The following LOXL2 variants were observed in gnomAD, a reference collection of about 807,000 sequenced individuals.
LOXL2 encodes lysyl oxidase like 2.
LOXL2 carries 70 observed loss-of-function variants against 93.0 expected under a neutral mutation model. The observed-to-expected ratio is 0.75, with a 90% confidence interval of 0.62 to 0.92. The LOEUF (loss-of-function observed/expected upper bound fraction) is 0.92. Among genes scored for constraint, LOXL2 ranks in the 40% least tolerant of loss-of-function variants. The probability of loss-of-function intolerance (pLI) is 0.00; values close to 1 mark genes in which losing one functional copy is unlikely to be tolerated. For missense variants in LOXL2, 973 were observed against 1,054.9 expected, an observed-to-expected ratio of 0.92 and a Z score of 1.08; for synonymous variants, 438 against 413.2, an observed-to-expected ratio of 1.06 and a Z score of -0.73.
intron 3 of LOXL2, among the ~76,000 whole-genome samples, chr8:23,354,951 T>TATATATATATATATATATA (rs1563200197): frequency 5.2e-5 from 1 of 19,162 alleles, no homozygotes; most frequent in African/African-American, 2.2e-4. Flanking sequence ...ATATATATAT[T>TATATATATATATATATATA]TTTTTTTTTT....
chr8:23,340,543 C>A (rs1023008413), intron 4 of LOXL2, among the ~76,000 whole-genome samples: 4 of 152,224 alleles, frequency 2.6e-5, no homozygotes, highest in Non-Finnish European at 5.9e-5. Context: ...TTACCTGCTG[C>A]AACTTCCAGA....
intron 1 of LOXL2, among the ~76,000 whole-genome samples, chr8:23,386,254 G>A (rs963597734): frequency 1.3e-5 from 2 of 152,144 alleles, no homozygotes; most frequent in African/African-American, 4.8e-5. Flanking sequence ...TTAGCCGGGC[G>A]TGGTAGCACA....
chr8:23,391,221 C>G (rs1053511952), intron 1 of LOXL2, among the ~76,000 whole-genome samples: 1 of 152,018 alleles, frequency 6.6e-6, no homozygotes, highest in Non-Finnish European at 1.5e-5. Flanking sequence ...TCATATTACC[C>G]GATCCCTACA....
At chr8:23,310,910 AG>A (rs555369979) in intron 9 of LOXL2, among the ~76,000 whole-genome samples, 41 of 152,378 alleles carry the variant, frequency 2.7e-4, no homozygotes, top group Admixed American at 1.2e-3. Flanking sequence ...TCTTTGCAAA[AG>A]GATTAACTGT....
intron 3 of LOXL2, among the ~76,000 whole-genome samples, chr8:23,354,067 C>T (rs1261984830): frequency 9.2e-5 from 14 of 152,200 alleles, no homozygotes; most frequent in Admixed American, 9.2e-4. Context: ...AAGTGAAATT[C>T]CATCAGCCAG....
At chr8:23,315,115 T>C (rs1002895052) in intron 9 of LOXL2, among the ~76,000 whole-genome samples, 4 of 152,190 alleles carry the variant, frequency 2.6e-5, no homozygotes, top group Non-Finnish European at 5.9e-5. Context: ...CACGTATCAC[T>C]GTAGGGATCT....
At chr8:23,357,568 A>T (rs572612257) in intron 3 of LOXL2, among the ~76,000 whole-genome samples, 4 of 148,362 alleles carry the variant, frequency 2.7e-5, no homozygotes, top group South Asian at 2.1e-4. Flanking sequence ...TTCCAAAATC[A>T]TTTTTTTTTT....
chr8:23,379,861 G>A (rs936459506), intron 1 of LOXL2, among the ~76,000 whole-genome samples: 7 of 152,132 alleles, frequency 4.6e-5, no homozygotes, highest in African/African-American at 1.7e-4. Context: ...ACTAGGAAAG[G>A]GAATTCCCTG....
At chr8:23,304,616 T>C (rs1280178235) in intron 10 of LOXL2, among the ~76,000 whole-genome samples, 1 of 152,116 alleles carries the variant, frequency 6.6e-6, no homozygotes, top group East Asian at 1.9e-4. Flanking sequence ...CTTTGCCCGC[T>C]CTCGGGGCCG....
chr8:23,345,437 A>T (rs981999130), intron 3 of LOXL2, among the ~76,000 whole-genome samples: 1 of 152,226 alleles, frequency 6.6e-6, no homozygotes, highest in African/African-American at 2.4e-5. Flanking sequence ...GCAGTGAGTC[A>T]GACTGGATTG....
intron 2 of LOXL2, among the ~76,000 whole-genome samples, chr8:23,360,910 G>GT (rs1322094751): frequency 9.3e-4 from 137 of 147,510 alleles, no homozygotes; most frequent in East Asian, 6.1e-3. Context: ...TTTGTTTTTT[G>GT]TTTTTTTTTT....
At chr8:23,318,429 A>G (rs555901994) in intron 8 of LOXL2, among the ~76,000 whole-genome samples, 722 of 25,470 alleles carry the variant, frequency 0.028, 5 homozygotes, top group African/African-American at 0.061. Context: ...TTGATAGCAC[A>G]CACACACACA....
intron 1 of LOXL2, among the ~76,000 whole-genome samples, chr8:23,377,486 G>T (rs1804611903): frequency 7.9e-6 from 1 of 126,220 alleles, no homozygotes; most frequent in South Asian, 2.5e-4. Context: ...TTCAATCCTG[G>T]ATATCCTTGT....
intron 4 of LOXL2, chr8:23,336,114 G>A (rs1399014705): frequency 2.0e-5 from 3 of 152,226 alleles, no homozygotes; most frequent in Non-Finnish European, 4.4e-5. Context: ...GAAGATACTC[G>A]GGGGAACACC....
intron 1 of LOXL2, among the ~76,000 whole-genome samples, chr8:23,403,701 C>T (rs1304095208): frequency 6.6e-6 from 1 of 151,962 alleles, no homozygotes; most frequent in African/African-American, 2.4e-5. Context: ...CCCAGCGCCT[C>T]GCTCCCCGGG....
chr8:23,297,833 T>C lies in LOXL2; in HGVS notation c.*210A>G, dbSNP rs1401022547. The C allele has an allele frequency of 2.4e-5, 13 of 534,734 alleles. No homozygotes were observed. Among genetic ancestry groups the C allele is most frequent in the Admixed American group, 9.8e-5 (3 of 30,580 alleles). 33.1% of individuals were successfully genotyped at this position (534,734 alleles called of 1,614,324 possible). A position where few individuals can be genotyped will look rare whatever the true frequency, so the allele number is the denominator to read the frequency against. ...GACAAACCCCACCCCCGCAAGGCCT[T>C]CTCAGGCCCCAAGGGTCAGGTAGCA... is the stretch of plus-strand genomic sequence containing the variant. On this transcript the variant is annotated 3_prime_UTR_variant, in exon 14 of 14. Transcript: ENST00000389131.
At chr8:23,320,318 C>G (rs1014560561) in intron 7 of LOXL2, among the ~76,000 whole-genome samples, 8 of 152,222 alleles carry the variant, frequency 5.3e-5, no homozygotes, top group East Asian at 1.9e-4. Flanking sequence ...CCCTGCTCCC[C>G]ATGAGCCTAT....
rs145699449 is a variant in LOXL2, at chr8:23,306,336, G to A, written c.1881-2939C>T. ...TTTCCCACCCCAGCCACGTGTCCGC[G>A]GGGCATCCAGAATGGACAGTCCTGG... On this transcript the variant is annotated intron_variant, in intron 10 of 13. Coordinates refer to ENST00000389131, the MANE Select transcript of LOXL2 (RefSeq NM_002318.3). 3.0e-3 allele frequency among the ~76,000 whole-genome samples: 456 copies of A among 152,294 alleles called. 2 individuals are homozygous for A. The highest frequency in any genetic ancestry group is 0.01 in the African/African-American group (429 of 41,564).
At chr8:23,324,398 G>A (rs1287456170) in intron 6 of LOXL2, among the ~76,000 whole-genome samples, 8 of 152,206 alleles carry the variant, frequency 5.3e-5, no homozygotes. Context: ...CACAGAGAAA[G>A]AGGCCCAGTG....
Sources: allele counts gnomAD v4.1 joint callset (sites outside exome capture counted in the v4.1 genomes callset), GRCh38; gene constraint gnomAD v4.1.1; transcripts MANE v1.5; gene names NCBI Gene and HGNC (gene_info 2026-07-23, HGNC 2026-07-21).